VPS8: variants seen among roughly 807,000 people sequenced by gnomAD.
VPS8 encodes vacuolar protein sorting-associated protein 8 homolog.
A neutral mutation model predicts 216.4 loss-of-function variants in VPS8; 129 were observed. The observed-to-expected ratio is 0.60, with a 90% confidence interval of 0.52 to 0.69. VPS8 has a LOEUF of 0.69. VPS8 is among the 30% of genes least tolerant of loss of function. VPS8 has a pLI of 0.00. For synonymous variants in VPS8, 571 were observed against 565.4 expected, an observed-to-expected ratio of 1.01 and a Z score of -0.14; for missense variants, 1,531 against 1,683.5, an observed-to-expected ratio of 0.91 and a Z score of 1.59.
chr3:185,032,816 C>T (rs1327711579), intron 46 of VPS8, among the ~76,000 whole-genome samples: 2 of 152,128 alleles, frequency 1.3e-5, no homozygotes, highest in African/African-American at 4.8e-5. Context: ...CAGGTGTCCG[C>T]CACCAAGCCC....
chr3:184,984,257 A>T (rs1750717742), intron 42 of VPS8, among the ~76,000 whole-genome samples: 1 of 146,342 alleles, frequency 6.8e-6, no homozygotes, highest in Admixed American at 6.9e-5. Context: ...TACATCCTGT[A>T]GTCTTTGTCA....
chr3:185,041,049 C>CA (rs1373381752), intron 46 of VPS8, among the ~76,000 whole-genome samples: 1 of 152,028 alleles, frequency 6.6e-6, no homozygotes, highest in African/African-American at 2.4e-5. Context: ...CTGAAAAACA[C>CA]AAAAAATTAG....
intron 1 of VPS8, chr3:184,814,014 T>C (rs1226674386): frequency 6.6e-6 from 1 of 152,260 alleles, no homozygotes; most frequent in Non-Finnish European, 1.5e-5. Context: ...ATTTGACTTA[T>C]CTTCACGCTG....
chr3:184,958,055 A>C (rs1576982070), intron 37 of VPS8, among the ~76,000 whole-genome samples: 1 of 152,112 alleles, frequency 6.6e-6, no homozygotes, highest in Admixed American at 6.5e-5. Context: ...TATTTGGGGG[A>C]AACATATTTT....
chr3:184,982,981 T>G, intron 41 of VPS8, 31 bp from the exon 42 acceptor site: 1 of 1,533,142 alleles, frequency 6.5e-7, no homozygotes, highest in Non-Finnish European at 8.8e-7. Context: ...TATTTTAAAC[T>G]AACCTTAATG....
At chr3:184,869,562 A>T (rs758451125) in intron 20 of VPS8, 34 bp downstream of exon 20, 1 of 1,607,684 alleles carries the variant, frequency 6.2e-7, no homozygotes, top group Non-Finnish European at 8.5e-7. Context: ...ACTAGAATAC[A>T]GTGCAGATTT....
intron 46 of VPS8, among the ~76,000 whole-genome samples, chr3:185,034,471 C>T (rs1204399036): frequency 6.6e-6 from 1 of 152,116 alleles, no homozygotes; most frequent in Non-Finnish European, 1.5e-5. Flanking sequence ...GACCTTTGCT[C>T]ATTTTTTAAT....
chr3:184,863,179 A>G (rs2108740184), intron 16 of VPS8, 112 bp downstream of exon 16: 12 of 1,329,504 alleles, frequency 9.0e-6, no homozygotes, highest in East Asian at 7.2e-5. Flanking sequence ...TTCTGTCTTG[A>G]GGTGTTTCTT....
rs545419180 is a variant in VPS8, at chr3:184,958,890, A to G, written c.3183+1369A>G. On this transcript the variant is annotated intron_variant, in intron 37 of 47. Coordinates refer to ENST00000625842, the MANE Select transcript of VPS8 (RefSeq NM_001009921.3). ...TACCAAAAATAATCAGAGTAAGTTC[A>G]ATTGACTTGTAAAATAAGTTTAGTG... 5.3e-5 allele frequency among the ~76,000 whole-genome samples: 8 copies of G among 152,304 alleles called. No homozygotes were observed. The South Asian group carries it at 1.0e-3, about 20-fold the overall frequency.
chr3:185,037,594 G>A (rs1196592955), intron 46 of VPS8, among the ~76,000 whole-genome samples: 1 of 152,006 alleles, frequency 6.6e-6, no homozygotes, highest in African/African-American at 2.4e-5. Flanking sequence ...TTCTCTTTGT[G>A]CATATATTGG....
At chr3:185,012,545 A>G (rs1238219333) in intron 45 of VPS8, among the ~76,000 whole-genome samples, 1 of 151,878 alleles carries the variant, frequency 6.6e-6, no homozygotes, top group East Asian at 1.9e-4. Context: ...CAGAATAAAT[A>G]TAAAGAAAAC....
chr3:184,880,746 T>G (rs1730124280), intron 21 of VPS8, among the ~76,000 whole-genome samples: 1 of 152,206 alleles, frequency 6.6e-6, no homozygotes, highest in African/African-American at 2.4e-5. Context: ...TGCCAAATAG[T>G]TTTCCAGAAT....
At chr3:184,823,708 A>C (rs1718110961) in intron 1 of VPS8, among the ~76,000 whole-genome samples, 1 of 152,244 alleles carries the variant, frequency 6.6e-6, no homozygotes, top group Non-Finnish European at 1.5e-5. Context: ...ATTGAAACAC[A>C]AAGTAAAATC....
chr3:184,947,799 C>CT (rs1743966822), intron 36 of VPS8, among the ~76,000 whole-genome samples: 2 of 152,056 alleles, frequency 1.3e-5, no homozygotes, highest in Non-Finnish European at 1.5e-5. Flanking sequence ...TTTCAGTGAA[C>CT]TTTTTTCCAT....
intron 46 of VPS8, among the ~76,000 whole-genome samples, chr3:185,047,206 C>A (rs1316980977): frequency 6.6e-6 from 1 of 152,198 alleles, no homozygotes; most frequent in Non-Finnish European, 1.5e-5. Context: ...TGGCTCTGTG[C>A]GCAGTACCTG....
intron 46 of VPS8, among the ~76,000 whole-genome samples, chr3:185,029,016 G>A (rs1269555313): frequency 6.6e-6 from 1 of 152,172 alleles, no homozygotes; most frequent in Non-Finnish European, 1.5e-5. Context: ...CATCATTGCT[G>A]TTTCAGGCTT....
intron 38 of VPS8, among the ~76,000 whole-genome samples, chr3:184,965,348 T>C (rs1747225935): frequency 6.6e-6 from 1 of 152,226 alleles, no homozygotes; most frequent in South Asian, 2.1e-4. Flanking sequence ...TATACCTCTT[T>C]CTTTTTCTTG....
chr3:184,832,283 C>G (rs1451327515), intron 3 of VPS8, among the ~76,000 whole-genome samples: 1 of 152,108 alleles, frequency 6.6e-6, no homozygotes, highest in Non-Finnish European at 1.5e-5. Flanking sequence ...ACCCAGAATG[C>G]CTTTCTGCTG....
rs1409090507 is a variant in VPS8 at position 184,925,030 on chromosome 3, C to T, written c.2574+49C>T. 1.5e-5 allele frequency: 24 copies of T among 1,567,656 alleles called. 1 individual carries two copies. Among genetic ancestry groups the T allele is most frequent in the Middle Eastern group, 3.3e-4 (2 of 5,984 alleles). On this transcript the variant is annotated intron_variant, in intron 30 of 47. Coordinates refer to ENST00000625842, the MANE Select transcript of VPS8 (RefSeq NM_001009921.3). The stretch of plus-strand genomic sequence containing the variant: ...AAAAGGTTTTTTCCTGTTTACTGCG[C>T]ACAGTTCCCTGGATTACACTGTTTC...
Sources: gnomAD v4.1 joint callset for allele counts (sites outside exome capture counted in the v4.1 genomes callset) on GRCh38, gnomAD v4.1.1 for gene constraint, MANE v1.5 for transcripts, NCBI Gene and HGNC (gene_info 2026-07-23, HGNC 2026-07-21) for gene names.